HSPG2: variants seen among roughly 807,000 people sequenced by gnomAD.
HSPG2 encodes heparan sulfate proteoglycan 2.
A neutral mutation model predicts 526.6 loss-of-function variants in HSPG2; 278 were observed. That is an observed-to-expected ratio of 0.53 (90% confidence interval 0.48 to 0.58). The LOEUF is 0.58. Ranked by LOEUF, HSPG2 falls within the 20% of genes least tolerant of loss-of-function variation. The pLI is 0.00. For synonymous variants in HSPG2, 2,465 were observed against 2,555.4 expected, an observed-to-expected ratio of 0.96 and a Z score of 1.07; for missense variants, 5,354 against 6,099.5, an observed-to-expected ratio of 0.88 and a Z score of 4.07.
rs368100838 is a variant in HSPG2, at chr1:21,881,422, C to T, written c.1735G>A (p.Glu579Lys). The part of the protein sequence containing the change: ...TQLQIDPSLH[E>K]FQLVDLSRRF... Reference sequence around the variant, plus strand: ...CGGGACAGGTCGACTAGCTGGAACTCGTGCAGGGATGGGTCGATCTGCAGC... The same window carrying T: ...CGGGACAGGTCGACTAGCTGGAACTTGTGCAGGGATGGGTCGATCTGCAGC... Residue 579 changes from glutamate to lysine, a missense_variant, in exon 14 of 97, where the codon GAG becomes AAG. Physicochemically the swap from Glu to Lys is moderately conservative, Grantham distance 56. Coordinates refer to ENST00000374695, the MANE Select transcript of HSPG2 (RefSeq NM_005529.7). 19 of 1,614,026 alleles carry T rather than the reference C, an allele frequency of 1.2e-5. No homozygotes were observed. Among genetic ancestry groups the T allele is most frequent in the African/African-American group, 5.3e-5 (4 of 75,038 alleles).
chr1:21,843,557 C>T (rs1272807486), intron 65 of HSPG2, 119 bp from the exon 66 acceptor site: 19 of 1,095,246 alleles, frequency 1.7e-5, no homozygotes, highest in East Asian at 7.8e-5. Flanking sequence ...CTGTTGGAGG[C>T]GACCCCTTTG....
rs564874161 is a variant in HSPG2 at position 21,847,293 on chromosome 1, T to C, written c.8164+61A>G. On this transcript the variant is annotated intron_variant, in intron 62 of 96. Coordinates refer to ENST00000374695, the MANE Select transcript of HSPG2 (RefSeq NM_005529.7). The surrounding 1 kb of genome is among the most constrained non-coding windows in gnomAD (Gnocchi z 4.1). ...AGGTCTGAGGACTCTGACCTGAAAGTTCCTTCTCCCCAGGGAACACTGTTG... is the reference window on the plus strand; with the variant it reads ...AGGTCTGAGGACTCTGACCTGAAAGCTCCTTCTCCCCAGGGAACACTGTTG... 272 of 1,602,774 alleles carry C rather than the reference T, an allele frequency of 1.7e-4. No individual in the cohort carries two copies. The African/African-American group carries it at 3.3e-3, about 19-fold the overall frequency.
rs1158526123 is a variant in HSPG2 at position 21,847,289 on chromosome 1, A to G, written c.8164+65T>C. ...CACCAGGTCTGAGGACTCTGACCTGAAAGTTCCTTCTCCCCAGGGAACACT... is the reference window on the plus strand; with the variant it reads ...CACCAGGTCTGAGGACTCTGACCTGGAAGTTCCTTCTCCCCAGGGAACACT... On this transcript the variant is annotated intron_variant, in intron 62 of 96. Coordinates refer to ENST00000374695, the MANE Select transcript of HSPG2 (RefSeq NM_005529.7). The surrounding 1 kb of genome is among the most constrained non-coding windows in gnomAD (Gnocchi z 4.1). 1 of 1,597,488 alleles carries G rather than the reference A, an allele frequency of 6.3e-7. No individual in the cohort carries two copies. The highest frequency in any genetic ancestry group is 1.3e-5 in the African/African-American group (1 of 74,588).
Position 21,880,242 on chromosome 1 carries a change from G to A in HSPG2, c.2208C>T (p.Gly736=), listed in dbSNP as rs749637885. The A allele has an allele frequency of 1.2e-6, 2 of 1,614,208 alleles. No individual in the cohort carries two copies. Among genetic ancestry groups the A allele is most frequent in the East Asian group, 2.2e-5 (1 of 44,882 alleles). Residue 736 remains glycine, a synonymous_variant, in exon 17 of 97, where the codon GGC becomes GGT. Transcript: ENST00000374695. The part of the protein sequence containing the change: ...HSVEECRCPI[G]YSGLSCESCD... ...AGCTCTCGCAGGACAAGCCAGAATAGCCAATGGGGCATCTGTGGGGACAGG... is the reference window on the plus strand; with the variant it reads ...AGCTCTCGCAGGACAAGCCAGAATAACCAATGGGGCATCTGTGGGGACAGG...
chr1:21,888,756 G>A (rs1180177978), intron 6 of HSPG2: 1 of 1,340,668 alleles, frequency 7.5e-7, no homozygotes. Context: ...GTTCCACCTG[G>A]GAGCCGGGAG....
rs770509712 is a variant in HSPG2 at position 21,861,776 on chromosome 1, T to G, written c.4936A>C (p.Thr1646Pro). 1 of 1,613,860 alleles carries G rather than the reference T, an allele frequency of 6.2e-7. No homozygotes were observed. Among genetic ancestry groups the G allele is most frequent in the South Asian group, 1.1e-5 (1 of 91,066 alleles). Residue 1646 changes from threonine to proline, a missense_variant, in exon 39 of 97, where the codon ACT becomes CCT. Thr to Pro is a conservative substitution (Grantham distance 38, BLOSUM62 -1). Coordinates refer to ENST00000374695, the MANE Select transcript of HSPG2 (RefSeq NM_005529.7). ...YRCTACEPGY[T>P]GQYCEQCGPG... is the part of the protein sequence containing the mutation. The stretch of plus-strand genomic sequence containing the variant: ...ACTTACTGCTCACAGTACTGGCCAG[T>G]GTAGCCGGGTTCGCAGGCCGTGCAG...
Position 21,831,665 on chromosome 1 carries a change from T to C in HSPG2, c.11339A>G (p.Asn3780Ser), listed in dbSNP as rs763508790. 112 of 1,606,746 alleles carry C rather than the reference T, an allele frequency of 7.0e-5. No homozygotes were observed. Among genetic ancestry groups the C allele is most frequent in the Non-Finnish European group, 8.8e-5 (104 of 1,176,458 alleles). ...SLIVGDLAPV[N>S]GTSQGKFQGL... ...GTTGGGTCTCACCTGGGAGGTCCCA[T>C]TGACCGGGGCCAGGTCACCCACAAT... is the stretch of plus-strand genomic sequence containing the variant. Residue 3780 changes from asparagine (N) to serine (S), a missense_variant, in exon 82 of 97, where the codon AAT (asparagine) becomes AGT (serine). Asn to Ser is a conservative substitution (Grantham distance 46). Coordinates refer to ENST00000374695, the MANE Select transcript of HSPG2 (RefSeq NM_005529.7).
chr1:21,866,235 T>C (rs1034885951), intron 33 of HSPG2, among the ~76,000 whole-genome samples: 17 of 152,224 alleles, frequency 1.1e-4, no homozygotes, highest in Non-Finnish European at 2.2e-4. Flanking sequence ...CCTTGCCTCC[T>C]AGGCAGGTGG....
Position 21,833,931 on chromosome 1 carries a change from AG to A in HSPG2, c.10721-7del, listed in dbSNP as rs1365079615. ...CATTGAGATCTGGGGCAAGGCTGAG[AG>A]GCATGGAAGAGACATAGGCCATCAA... On this transcript the variant is annotated splice_polypyrimidine_tract_variant and splice_region_variant and intron_variant, in intron 77 of 96. Transcript: ENST00000374695. The A allele has an allele frequency of 1.7e-5, 27 of 1,565,692 alleles. No individual in the cohort carries two copies. The highest frequency in any genetic ancestry group is 2.3e-5 in the Non-Finnish European group (26 of 1,152,226).
chr1:21,850,654 C>T (rs755892875), intron 55 of HSPG2, among the ~76,000 whole-genome samples, 156 bp from the exon 56 acceptor site: 22 of 152,192 alleles, frequency 1.4e-4, no homozygotes, highest in Non-Finnish European at 2.4e-4. Context: ...TGTCCAGCAG[C>T]GGGGTGGTAG....
chr1:21,877,052 T>C (rs1572331071), intron 21 of HSPG2, among the ~76,000 whole-genome samples: 1 of 75,934 alleles, frequency 1.3e-5, no homozygotes, highest in East Asian at 3.8e-4. Flanking sequence ...GGAGCGAGAC[T>C]CCATCTCAAA....
In HSPG2 at chr1:21,829,593, T is replaced by C. The variant is rs772116519; in HGVS notation, c.11782A>G (p.Thr3928Ala). 1.2e-6 allele frequency: 2 copies of C among 1,605,866 alleles called. No homozygotes were observed. The highest frequency in any genetic ancestry group is 3.3e-5 in the Admixed American group (2 of 59,830). The stretch of plus-strand genomic sequence containing the variant: ...CCAGCACCCGACAGCGAGGGGGTGG[T>C]CACTGTCACACCTGCAGCAGCCACA... ...GLRCEEGVTV[T>A]TPSLSGAGSY... The change falls in exon 87 of 97, where the codon ACC (threonine) becomes GCC (alanine). Residue 3928 changes from threonine to alanine, a missense_variant. Transcript: ENST00000374695.
chr1:21,824,748 G>T lies in HSPG2; in HGVS notation c.12621C>A (p.His4207Gln). The T allele has an allele frequency of 1.9e-6, 3 of 1,613,498 alleles. No homozygotes were observed. The highest frequency in any genetic ancestry group is 1.7e-6 in the Non-Finnish European group (2 of 1,179,838). Reference sequence around the variant, plus strand: ...CAGGGAAGGCGAGGAAGCCATCATCGTGGAAATAGGCTCCGTACTGCCCAG... The same window carrying T: ...CAGGGAAGGCGAGGAAGCCATCATCTTGGAAATAGGCTCCGTACTGCCCAG... ...DAPGQYGAYF[H>Q]DDGFLAFPGH... The change falls in exon 92 of 97, where the codon CAC becomes CAA. Residue 4207 changes from histidine (H) to glutamine (Q), a missense_variant. His to Gln is a conservative substitution (Grantham distance 24, BLOSUM62 0). Coordinates refer to ENST00000374695, the MANE Select transcript of HSPG2 (RefSeq NM_005529.7). The surrounding 1 kb of genome is among the most constrained non-coding windows in gnomAD (Gnocchi z 5.9).
intron 1 of HSPG2, among the ~76,000 whole-genome samples, chr1:21,927,344 G>A (rs1644226701): frequency 6.6e-6 from 1 of 152,290 alleles, no homozygotes; most frequent in South Asian, 2.1e-4. Flanking sequence ...CCAGGCCTGT[G>A]TGTCTCTCTC....
At chr1:21,854,807 G>A (rs753568002) in intron 48 of HSPG2, 41 bp downstream of exon 48, 1 of 1,612,988 alleles carries the variant, frequency 6.2e-7, no homozygotes, top group Admixed American at 1.7e-5. Context: ...GGGGAGCCCT[G>A]GCTTGCCCTC....
At chr1:21,875,332 G>A (rs1197393055) in intron 25 of HSPG2, 12 of 596,166 alleles carry the variant, frequency 2.0e-5, no homozygotes, top group Non-Finnish European at 3.6e-5. Flanking sequence ...CTCCCTGTGG[G>A]CTGAGGCTGG....
intron 38 of HSPG2, 51 bp downstream of exon 38, chr1:21,861,937 A>G (rs1457872125): frequency 6.2e-7 from 1 of 1,613,772 alleles, no homozygotes; most frequent in East Asian, 2.2e-5. Flanking sequence ...AACGCCTTCC[A>G]CTCATTCCCC....
intron 1 of HSPG2, among the ~76,000 whole-genome samples, chr1:21,900,253 T>TGCA (rs1643022402): frequency 6.6e-6 from 1 of 152,156 alleles, no homozygotes; most frequent in Non-Finnish European, 1.5e-5. Context: ...GTTCCTGGTT[T>TGCA]GGCGGTGTGC....
Position 21,873,972 on chromosome 1 carries a change from G to C in HSPG2, c.3696C>G (p.Pro1232=). ...GGCCTGGGGAGCACGCATCACAGGT[G>C]GGGTGGCCGTCTGTGTCCAGAAAAC... is the stretch of plus-strand genomic sequence containing the variant. ...HTCFLDTDGH[P]TCDACSPGHS... is the part of the protein sequence containing the mutation. Residue 1232 remains proline, a synonymous_variant, in exon 29 of 97, where the codon CCC becomes CCG. Transcript: ENST00000374695. The C allele has an allele frequency of 6.2e-7, 1 of 1,606,924 alleles. No homozygotes were observed. The highest frequency in any genetic ancestry group is 8.5e-7 in the Non-Finnish European group (1 of 1,176,596).
Sources: gnomAD v4.1 joint callset for allele counts (sites outside exome capture counted in the v4.1 genomes callset) on GRCh38, gnomAD v4.1.1 for gene constraint, Gnocchi (gnomAD v3.1) non-coding constraint, MANE v1.5 for transcripts, NCBI Gene and HGNC (gene_info 2026-07-23, HGNC 2026-07-21) for gene names.